Variants in AAK1 observed in about 807,000 individuals in gnomAD.
The protein encoded by AAK1 is AP2-associated protein kinase 1.
AAK1 carries 37 observed loss-of-function variants against 116.0 expected under a neutral mutation model. That is an observed-to-expected ratio of 0.32 (90% CI 0.25 to 0.42). AAK1 has a LOEUF of 0.42. Among genes scored for constraint, AAK1 ranks in the 10% least tolerant of loss-of-function variants. AAK1 has a pLI of 1.00. For missense variants in AAK1, 919 were observed against 1,170.6 expected (o/e 0.79, Z 3.14); for synonymous variants, 458 against 439.9 (o/e 1.04, Z -0.51).
At chr2:69,543,043 C>T (rs543541395) in intron 4 of AAK1, among the ~76,000 whole-genome samples, 77 of 152,276 alleles carry the variant, frequency 5.1e-4, no homozygotes, top group African/African-American at 1.8e-3. Flanking sequence ...TAGTAAGAAT[C>T]AGATGGCACA....
At chr2:69,489,691 T>C (rs370652538) in intron 17 of AAK1, among the ~76,000 whole-genome samples, 1 of 152,240 alleles carries the variant, frequency 6.6e-6, no homozygotes, top group South Asian at 2.1e-4. Flanking sequence ...TGAAGTCTCA[T>C]GACGAGAGAT....
Position 69,509,362 on chromosome 2 carries a change from G to T in AAK1, c.1875C>A (p.Pro625=), listed in dbSNP as rs1179141879. The T allele has an allele frequency of 2.5e-6, 4 of 1,614,022 alleles. No individual in the cohort carries two copies. The highest frequency in any genetic ancestry group is 2.5e-6 in the Non-Finnish European group (3 of 1,179,892). The change falls in exon 14 of 22, where the codon CCC becomes CCA. Residue 625 remains proline, a synonymous_variant. Transcript: ENST00000409085. ...GCCTGTGCCCAGCACGTTGGGTTTTGGGGGATGAGGGTGGAGTGAGAGATC... is the reference window on the plus strand; with the variant it reads ...GCCTGTGCCCAGCACGTTGGGTTTTTGGGGATGAGGGTGGAGTGAGAGATC... ...KVGSLTPPSS[P]KTQRAGHRRI...
Position 69,464,107 on chromosome 2 carries a change from C to T in AAK1, c.*11762G>A, listed in dbSNP as rs985753913. 3 of 152,556 alleles carry T rather than the reference C, an allele frequency of 2.0e-5. No individual in the cohort carries two copies. Among genetic ancestry groups the T allele is most frequent in the African/African-American group, 7.2e-5 (3 of 41,406 alleles). The allele number at this position is 152,556 out of a possible 1,614,324, so 9.5% of individuals were successfully genotyped here. A position where few individuals can be genotyped will look rare whatever the true frequency, so the allele number is the denominator to read the frequency against. ...ATAGAGAATGTAAAAGTTTTCATGC[C>T]TACCTGATTCAGCTCTTTTCCATTC... On this transcript the variant is annotated 3_prime_UTR_variant, in exon 22 of 22. Coordinates refer to ENST00000409085, the MANE Select transcript of AAK1 (RefSeq NM_014911.5).
chr2:69,622,112 G>A (rs369212832), intron 2 of AAK1, among the ~76,000 whole-genome samples: 29 of 152,354 alleles, frequency 1.9e-4, no homozygotes, highest in Non-Finnish European at 3.7e-4. Context: ...CCGGGGCTGC[G>A]CAGGGCGCCT....
intron 2 of AAK1, among the ~76,000 whole-genome samples, chr2:69,559,470 T>A (rs1189202917): frequency 1.3e-5 from 2 of 152,180 alleles, no homozygotes; most frequent in African/African-American, 4.8e-5. Flanking sequence ...TAATCAGAAT[T>A]GAGGAAAATA....
intron 2 of AAK1, among the ~76,000 whole-genome samples, chr2:69,614,728 TG>T (rs1233812341): frequency 6.6e-6 from 1 of 152,244 alleles, no homozygotes; most frequent in Non-Finnish European, 1.5e-5. Context: ...GATCTCAAGA[TG>T]GGGGTCATCC....
In AAK1 at chr2:69,466,790, T is replaced by C. The variant is rs995310629; in HGVS notation, c.*9079A>G. ...CGACGTACAGGAAAGGAGATGAAGA[T>C]GTTAGGCACACAGACATTCAGCGTA... is the stretch of plus-strand genomic sequence containing the variant. On this transcript the variant is annotated 3_prime_UTR_variant, in exon 22 of 22. Transcript: ENST00000409085. 5.1e-6 allele frequency: 5 copies of C among 985,250 alleles called. No individual in the cohort carries two copies. In the African/African-American group the frequency reaches 7.0e-5, roughly 14 times the overall value. 61.0% of individuals were successfully genotyped at this position (985,250 alleles called of 1,614,324 possible). A position where few individuals can be genotyped will look rare whatever the true frequency, so the allele number is the denominator to read the frequency against.
chr2:69,586,537 G>A (rs1672774019), intron 2 of AAK1, among the ~76,000 whole-genome samples: 1 of 152,130 alleles, frequency 6.6e-6, no homozygotes, highest in African/African-American at 2.4e-5. Flanking sequence ...GTGATCTTAG[G>A]CTAAAAACTC....
chr2:69,534,481 G>A (rs1479751425), intron 5 of AAK1, among the ~76,000 whole-genome samples: 2 of 152,216 alleles, frequency 1.3e-5, no homozygotes, highest in African/African-American at 4.8e-5. Flanking sequence ...AGTGAATAAG[G>A]AATGAAGTGT....
chr2:69,509,547 CA>C (rs1476839588), intron 13 of AAK1, 87 bp from the exon 14 acceptor site: 6 of 1,122,998 alleles, frequency 5.3e-6, no homozygotes, highest in East Asian at 2.6e-5. Context: ...ACAACAACAA[CA>C]AAAAATGCCA....
Position 69,467,145 on chromosome 2 carries a change from G to A in AAK1, c.*8724C>T, listed in dbSNP as rs1482127481. On this transcript the variant is annotated 3_prime_UTR_variant, in exon 22 of 22. Transcript: ENST00000409085. ...ATACTGAAGGTACCTTCTGAGGGGA[G>A]CATACAGCATCAAAATCAGACCAAA... is the stretch of plus-strand genomic sequence containing the variant. 2 of 985,294 alleles carry A rather than the reference G, an allele frequency of 2.0e-6. No homozygotes were observed. Among genetic ancestry groups the A allele is most frequent in the African/African-American group, 1.7e-5 (1 of 57,220 alleles). The allele number at this position is 985,294 out of a possible 1,614,324, so 61.0% of individuals were successfully genotyped here.
chr2:69,536,285 C>A (rs904059940), intron 5 of AAK1, among the ~76,000 whole-genome samples: 4 of 152,166 alleles, frequency 2.6e-5, no homozygotes, highest in African/African-American at 9.7e-5. Context: ...CACCATTCAG[C>A]ATTTTTCTCA....
At chr2:69,555,949 A>G (rs1318200272) in intron 3 of AAK1, among the ~76,000 whole-genome samples, 2 of 152,118 alleles carry the variant, frequency 1.3e-5, no homozygotes, top group Admixed American at 6.6e-5. Flanking sequence ...TTCTGCTTTG[A>G]TCACCATCAA....
intron 3 of AAK1, among the ~76,000 whole-genome samples, chr2:69,550,861 C>T (rs4386351): frequency 6.6e-6 from 1 of 152,176 alleles, no homozygotes; most frequent in South Asian, 2.1e-4. Flanking sequence ...AATGATCCAC[C>T]CTCCTCGGCC....
At position 69,547,430 on chromosome 2, in the gene AAK1, C is replaced by T. The variant is rs370099567; in HGVS notation, c.283-2886G>A. The stretch of plus-strand genomic sequence containing the variant: ...AACTCAACAACAACAAAAAAGACAA[C>T]CCTATGTAAAAATTAGCAAAGGATC... On this transcript the variant is annotated intron_variant, in intron 3 of 21. Transcript: ENST00000409085. Among the ~76,000 whole-genome samples the T allele has an allele frequency of 3.8e-4, 58 of 152,178 alleles. No homozygotes were observed. In the South Asian group the frequency reaches 0.01, roughly 27 times the overall value.
intron 9 of AAK1, among the ~76,000 whole-genome samples, chr2:69,526,833 A>T (rs531249912): frequency 3.3e-5 from 5 of 152,166 alleles, no homozygotes; most frequent in Non-Finnish European, 7.3e-5. Flanking sequence ...GTAGGTTCTA[A>T]CAGGCATGGG....
chr2:69,501,034 A>C (rs1443577387), intron 16 of AAK1, among the ~76,000 whole-genome samples: 1 of 152,022 alleles, frequency 6.6e-6, no homozygotes, highest in African/African-American at 2.4e-5. Context: ...GCAGCAAAGA[A>C]GACTCTCAGG....
intron 2 of AAK1, among the ~76,000 whole-genome samples, chr2:69,563,246 AC>A (rs1428101615): frequency 6.6e-6 from 1 of 152,182 alleles, no homozygotes; most frequent in Non-Finnish European, 1.5e-5. Flanking sequence ...ATGAATCAGG[AC>A]ACCAGTGACT....
chr2:69,643,439 C>T, intron 1 of AAK1, 136 bp downstream of exon 1: 2 of 1,190,562 alleles, frequency 1.7e-6, no homozygotes, highest in Non-Finnish European at 2.1e-6. Context: ...CCCCAGAACC[C>T]GGGACCCCCG....
Sources: gnomAD v4.1 joint callset for allele counts (sites outside exome capture counted in the v4.1 genomes callset) on GRCh38, gnomAD v4.1.1 for gene constraint, MANE v1.5 for transcripts, NCBI Gene and HGNC (gene_info 2026-07-23, HGNC 2026-07-21) for gene names.